Variants in ARPC1B observed in about 807,000 individuals in gnomAD.
ARPC1B encodes actin-related protein 2/3 complex subunit 1B.
In ARPC1B, 29 loss-of-function variants were observed where a neutral mutation model predicts 46.0. The observed-to-expected ratio is 0.63, with a 90% CI of 0.47 to 0.86. The LOEUF (loss-of-function observed/expected upper bound fraction) is 0.86. Among genes scored for constraint, ARPC1B ranks in the 40% least tolerant of loss-of-function variants. ARPC1B has a pLI of 0.00. For missense variants in ARPC1B, 469 were observed against 529.4 expected, an observed-to-expected ratio of 0.89 and a Z score of 1.12; for synonymous variants, 201 against 213.9, an observed-to-expected ratio of 0.94 and a Z score of 0.53.
At chr7:99,375,401 C>G (rs1177369099) in intron 1 of ARPC1B, among the ~76,000 whole-genome samples, 1 of 152,180 alleles carries the variant, frequency 6.6e-6, no homozygotes, top group African/African-American at 2.4e-5. Flanking sequence ...CCGTACGGGG[C>G]GGGCCTGGCT....
chr7:99,381,062 C>G (rs1177517497), intron 1 of ARPC1B, among the ~76,000 whole-genome samples: 4 of 152,176 alleles, frequency 2.6e-5, no homozygotes, highest in Admixed American at 2.0e-4. Context: ...GGTGATGTCC[C>G]AGCCTGGGAA....
intron 1 of ARPC1B, among the ~76,000 whole-genome samples, chr7:99,378,294 A>C (rs1438062578): frequency 1.3e-5 from 2 of 150,946 alleles, no homozygotes; most frequent in African/African-American, 4.9e-5. Context: ...CTGGTCTCCG[A>C]ACTCCTGGAC....
At chr7:99,390,255 G>A (rs777042486) in intron 5 of ARPC1B, among the ~76,000 whole-genome samples, 6 of 152,100 alleles carry the variant, frequency 3.9e-5, no homozygotes, top group Admixed American at 6.5e-5. Flanking sequence ...TCTGTTGCCC[G>A]GGCTGGAATG....
chr7:99,385,885 G>T, intron 2 of ARPC1B, 107 bp downstream of exon 2: 1 of 1,150,482 alleles, frequency 8.7e-7, no homozygotes. Flanking sequence ...CGGACCATGG[G>T]CTCCATGTGG....
At chr7:99,388,367 C>T (rs1794463042) in intron 4 of ARPC1B, 106 bp downstream of exon 4, 3 of 1,108,552 alleles carry the variant, frequency 2.7e-6, no homozygotes, top group Admixed American at 2.3e-5. Flanking sequence ...TTCCCATCAC[C>T]CTGGGGGAGT....
rs57668352 is a variant in ARPC1B at position 99,394,698 on chromosome 7, GAA to G, written c.*222_*223del. On this transcript the variant is annotated 3_prime_UTR_variant, in exon 10 of 10. Coordinates refer to ENST00000646101, the MANE Select transcript of ARPC1B (RefSeq NM_005720.4). ...TTTTTCTTAAATGCTTTCATTTATT[GAA>G]AAAAAAAAAAAATGCCCCCAAAGCA... is the stretch of plus-strand genomic sequence containing the variant. The G allele has an allele frequency of 8.9e-4, 1,024 of 1,155,316 alleles. No individual in the cohort carries two copies. Among genetic ancestry groups the G allele is most frequent in the South Asian group, 3.4e-3 (107 of 31,184 alleles). 71.6% of individuals were successfully genotyped at this position (1,155,316 alleles called of 1,614,324 possible). A position where few individuals can be genotyped will look rare whatever the true frequency, so the allele number is the denominator to read the frequency against.
chr7:99,388,315 G>C, intron 4 of ARPC1B, 54 bp downstream of exon 4: 1 of 1,560,778 alleles, frequency 6.4e-7, no homozygotes, highest in South Asian at 1.1e-5. Context: ...GGCAGGACTA[G>C]AGTGTCCCCG....
At chr7:99,387,071 G>A (rs1794413272) in intron 3 of ARPC1B, among the ~76,000 whole-genome samples, 1 of 152,216 alleles carries the variant, frequency 6.6e-6, no homozygotes, top group Admixed American at 6.5e-5. Flanking sequence ...TGATAGCATG[G>A]AGGGCTCTGA....
Position 99,386,689 on chromosome 7 carries a change from T to G in ARPC1B, c.69T>G (p.Ile23Met), listed in dbSNP as rs1562814489. 4 of 1,613,508 alleles carry G rather than the reference T, an allele frequency of 2.5e-6. No individual in the cohort carries two copies. Among genetic ancestry groups the G allele is most frequent in the Non-Finnish European group, 3.4e-6 (4 of 1,179,464 alleles). Residue 23 changes from isoleucine (I) to methionine (M), a missense_variant, in exon 3 of 10, where the codon ATT becomes ATG. Transcript: ENST00000646101. ...CTCCCTCCATCTCCCCTTCAGAGAT[T>G]GCCATCTGCCCCAACAACCATGAGG... is the stretch of plus-strand genomic sequence containing the variant. ...CHAWNKDRTQ[I>M]AICPNNHEVH...
At chr7:99,393,914 G>A in intron 8 of ARPC1B, 115 bp from the exon 9 acceptor site, 4 of 1,012,280 alleles carry the variant, frequency 4.0e-6, no homozygotes, top group East Asian at 2.4e-5. Flanking sequence ...CACCCCCTCG[G>A]TACTTCTCAC....
chr7:99,382,121 G>A (rs1176250728), intron 1 of ARPC1B, among the ~76,000 whole-genome samples: 1 of 152,154 alleles, frequency 6.6e-6, no homozygotes, highest in Non-Finnish European at 1.5e-5. Context: ...AGGGCTGGTG[G>A]GAGTGTTGAA....
intron 1 of ARPC1B, among the ~76,000 whole-genome samples, chr7:99,384,363 G>A (rs1203362188): frequency 3.9e-5 from 6 of 152,310 alleles, no homozygotes; most frequent in Admixed American, 2.0e-4. Context: ...GAGGAGGGAA[G>A]ATCTCTTGAG....
intron 7 of ARPC1B, among the ~76,000 whole-genome samples, chr7:99,392,401 G>C (rs1440540288): frequency 6.6e-6 from 1 of 152,186 alleles, no homozygotes; most frequent in Non-Finnish European, 1.5e-5. Context: ...CAGCTGCAGG[G>C]GTCTCCCCTA....
chr7:99,394,123 A>G lies in ARPC1B; in HGVS notation c.1080+4A>G. The G allele has an allele frequency of 6.2e-7, 1 of 1,613,094 alleles. No individual in the cohort carries two copies. ...CATGAGTATCTGGGATGTGAAGGTGAGGCTTGCCCCTCCTGGCTTCCCGCC... is the reference window on the plus strand; with the variant it reads ...CATGAGTATCTGGGATGTGAAGGTGGGGCTTGCCCCTCCTGGCTTCCCGCC... On this transcript the variant is annotated splice_donor_region_variant and intron_variant, in intron 9 of 9. Coordinates refer to ENST00000646101, the MANE Select transcript of ARPC1B (RefSeq NM_005720.4).
chr7:99,382,540 G>T (rs1391279481), intron 1 of ARPC1B, among the ~76,000 whole-genome samples: 1 of 151,888 alleles, frequency 6.6e-6, no homozygotes, highest in Admixed American at 6.6e-5. Context: ...TACAATCATA[G>T]CTCACTGCAG....
At chr7:99,391,748 G>T (rs1412974500) in intron 7 of ARPC1B, among the ~76,000 whole-genome samples, 3 of 115,944 alleles carry the variant, frequency 2.6e-5, no homozygotes, top group African/African-American at 5.7e-5. Context: ...CACAAAACCT[G>T]TCTCAAAAAA....
rs539263730 is a variant in ARPC1B at position 99,377,327 on chromosome 7, T to G, written c.-14+2546T>G. ...ACGTGCTTTCTTTTTTTTTTTTTTT[T>G]TTTGAGACAGTGTCTTGTTCTGTTG... is the stretch of plus-strand genomic sequence containing the variant. On this transcript the variant is annotated intron_variant, in intron 1 of 9. Transcript: ENST00000646101. 3.3e-5 allele frequency: 5 copies of G among 151,988 alleles called. No homozygotes were observed. The East Asian group carries it at 9.7e-4, about 29-fold the overall frequency. 9.4% of individuals were successfully genotyped at this position (151,988 alleles called of 1,614,324 possible).
chr7:99,381,365 T>C (rs190627254), intron 1 of ARPC1B, among the ~76,000 whole-genome samples: 40 of 152,282 alleles, frequency 2.6e-4, no homozygotes, highest in African/African-American at 7.9e-4. Flanking sequence ...AGTATGGTCA[T>C]GTGTGCAAGG....
intron 5 of ARPC1B, 67 bp downstream of exon 5, chr7:99,390,079 GCCGCAC>G: frequency 1.4e-6 from 2 of 1,427,350 alleles, no homozygotes; most frequent in Non-Finnish European, 2.0e-6. Context: ...ATAGCGGGGA[GCCGCAC>G]CTGAAAGCTC....
Sources: gnomAD v4.1 joint callset for allele counts (sites outside exome capture counted in the v4.1 genomes callset) on GRCh38, gnomAD v4.1.1 for gene constraint, MANE v1.5 for transcripts, NCBI Gene and HGNC (gene_info 2026-07-23, HGNC 2026-07-21) for gene names.